FEM1C: variants seen among roughly 807,000 people sequenced by gnomAD.
FEM1C encodes fem-1 homolog C.
A neutral mutation model predicts 37.6 loss-of-function variants in FEM1C; 15 were observed. That is an observed-to-expected ratio of 0.40 (90% CI 0.27 to 0.61). The LOEUF (loss-of-function observed/expected upper bound fraction) is 0.61, where lower values mean the gene tolerates loss of function less well. Among genes scored for constraint, FEM1C ranks in the 20% least tolerant of loss-of-function variants. The probability of loss-of-function intolerance (pLI) is 0.42; values close to 1 mark genes in which losing one functional copy is unlikely to be tolerated. For missense variants in FEM1C, 532 were observed against 749.7 expected (o/e 0.71, Z 3.39); for synonymous variants, 287 against 272.8 (o/e 1.05, Z -0.51).
rs78212163 is a variant in FEM1C at position 115,538,930 on chromosome 5, G to T, written c.544+4020C>A. On this transcript the variant is annotated intron_variant, in intron 2 of 2. Transcript: ENST00000274457. The stretch of plus-strand genomic sequence containing the variant: ...TCTAAACCCCAAAATTCAAAGCCCT[G>T]TTTAACTTCTACTTTCTCCATGAAG... 1.1e-4 allele frequency among the ~76,000 whole-genome samples: 17 copies of T among 152,018 alleles called. No individual in the cohort carries two copies. The East Asian group carries it at 3.3e-3, about 29-fold the overall frequency.
At chr5:115,527,679 T>C (rs1753922905) in intron 2 of FEM1C, among the ~76,000 whole-genome samples, 1 of 152,050 alleles carries the variant, frequency 6.6e-6, no homozygotes, top group South Asian at 2.1e-4. Context: ...CTTTTCTCTA[T>C]TCAGAGTAGC....
chr5:115,530,444 T>G (rs543204417), intron 2 of FEM1C, among the ~76,000 whole-genome samples: 18 of 152,120 alleles, frequency 1.2e-4, no homozygotes, highest in South Asian at 4.1e-4. Context: ...CAAACATTAG[T>G]ACATCTAAAC....
chr5:115,522,100 A>G lies in FEM1C; in HGVS notation c.*2208T>C, dbSNP rs1204881845. 6.6e-6 allele frequency: 1 copy of G among 151,862 alleles called. No homozygotes were observed. The highest frequency in any genetic ancestry group is 2.1e-4 in the South Asian group (1 of 4,828). 9.4% of individuals were successfully genotyped at this position (151,862 alleles called of 1,614,324 possible). ...GCAAAACAGTGAGATGTGCCTCACT[A>G]TAAGAGCATGTAAGCCCTCCCACCC... On this transcript the variant is annotated 3_prime_UTR_variant, in exon 3 of 3. Coordinates refer to ENST00000274457, the MANE Select transcript of FEM1C (RefSeq NM_020177.3).
intron 2 of FEM1C, 96 bp from the exon 3 acceptor site, chr5:115,525,713 A>G: frequency 1.9e-6 from 2 of 1,026,160 alleles, no homozygotes; most frequent in South Asian, 3.7e-5. Flanking sequence ...GAAAAGCAGG[A>G]AGCTTTAAGT....
At position 115,524,946 on chromosome 5, in the gene FEM1C, C is replaced by G. The variant is rs1300810492; in HGVS notation, c.1216G>C (p.Val406Leu). 6.2e-7 allele frequency: 1 copy of G among 1,613,702 alleles called. No individual in the cohort carries two copies. Among genetic ancestry groups the G allele is most frequent in the Admixed American group, 1.7e-5 (1 of 59,912 alleles). ...DRAKGLLGTT[V>L]TFDDLMGILC... The stretch of plus-strand genomic sequence containing the variant: ...ATGCCCATAAGATCATCAAATGTAA[C>G]AGTAGTACCCAGCAGGCCTTTAGCC... The change falls in exon 3 of 3, where the codon GTT (valine) becomes CTT (leucine). Residue 406 changes from valine to leucine, a missense_variant. By Grantham distance (32) the Val-to-Leu change is conservative (BLOSUM62 1). This residue lies in a region of FEM1C where 237 missense variants were observed against 260.5 expected (regional missense o/e 0.91). Transcript: ENST00000274457.
intron 2 of FEM1C, among the ~76,000 whole-genome samples, chr5:115,526,007 A>G (rs1753882722): frequency 6.6e-6 from 1 of 151,870 alleles, no homozygotes; most frequent in African/African-American, 2.4e-5. Flanking sequence ...CAGTTTCCAC[A>G]TTTATAAACA....
At chr5:115,525,710 A>G in intron 2 of FEM1C, 93 bp from the exon 3 acceptor site, 1 of 1,063,996 alleles carries the variant, frequency 9.4e-7, no homozygotes, top group Non-Finnish European at 1.3e-6. Context: ...AAAGAAAAGC[A>G]GGAAGCTTTA....
intron 2 of FEM1C, among the ~76,000 whole-genome samples, chr5:115,536,741 T>G (rs1754136977): frequency 6.6e-6 from 1 of 152,016 alleles, no homozygotes; most frequent in African/African-American, 2.4e-5. Context: ...ACTTACTATG[T>G]GCCCTCCCTT....
Position 115,543,444 on chromosome 5 carries a change from C to G in FEM1C, c.50G>C (p.Arg17Pro). Residue 17 changes from arginine to proline, a missense_variant, in exon 2 of 3, where the codon CGG (arginine) becomes CCG (proline). By Grantham distance (103) the Arg-to-Pro change is moderately radical. Coordinates refer to ENST00000274457, the MANE Select transcript of FEM1C (RefSeq NM_020177.3). ...GCTTGCCAACAATTTGGTGAGAAGC[C>G]GGAGTTTGCCATCCCGAGCTGCGTT... Reference protein sequence around the residue: ...VFNAARDGKLRLLTKLLASKS... With the variant: ...VFNAARDGKLPLLTKLLASKS... 1 of 1,613,822 alleles carries G rather than the reference C, an allele frequency of 6.2e-7. No individual in the cohort carries two copies.
chr5:115,531,268 C>T (rs1320732873), intron 2 of FEM1C, among the ~76,000 whole-genome samples: 1 of 152,070 alleles, frequency 6.6e-6, no homozygotes, highest in African/African-American at 2.4e-5. Flanking sequence ...ACATCACTTT[C>T]CAACTCAAAA....
At chr5:115,538,209 T>C (rs1366128863) in intron 2 of FEM1C, among the ~76,000 whole-genome samples, 1 of 152,010 alleles carries the variant, frequency 6.6e-6, no homozygotes, top group African/African-American at 2.4e-5. Flanking sequence ...ATTTCCATAA[T>C]GAAAAGGCAA....
chr5:115,540,752 A>C (rs112985826), intron 2 of FEM1C, among the ~76,000 whole-genome samples: 110 of 152,110 alleles, frequency 7.2e-4, no homozygotes, highest in Non-Finnish European at 8.8e-4. Context: ...AAGTAATACC[A>C]GTTCTCATCT....
At chr5:115,531,876 G>C (rs1754022949) in intron 2 of FEM1C, among the ~76,000 whole-genome samples, 1 of 152,086 alleles carries the variant, frequency 6.6e-6, no homozygotes, top group African/African-American at 2.4e-5. Flanking sequence ...CTAACCCGGA[G>C]ACATGGTCTG....
Position 115,523,045 on chromosome 5 carries a change from C to G in FEM1C, c.*1263G>C, listed in dbSNP as rs1753808682. On this transcript the variant is annotated 3_prime_UTR_variant, in exon 3 of 3. Transcript: ENST00000274457. ...TAACTTCCAGTAAGGGAACAGGAAG[C>G]ACTGCAACCTTTCATGTTTAACTGG... 1 of 152,168 alleles carries G rather than the reference C, an allele frequency of 6.6e-6. No individual in the cohort carries two copies. The highest frequency in any genetic ancestry group is 6.6e-5 in the Admixed American group (1 of 15,228). 9.4% of individuals were successfully genotyped at this position (152,168 alleles called of 1,614,324 possible). A position where few individuals can be genotyped will look rare whatever the true frequency, so the allele number is the denominator to read the frequency against.
In FEM1C at chr5:115,524,193, G is replaced by C. The variant is rs1753833581; in HGVS notation, c.*115C>G. ...ATGCTTATAATGCTTTAGCCAATGA[G>C]AGCACAATGATATCAATCAAGCTAA... is the stretch of plus-strand genomic sequence containing the variant. On this transcript the variant is annotated 3_prime_UTR_variant, in exon 3 of 3. Transcript: ENST00000274457. 2.5e-6 allele frequency: 2 copies of C among 797,396 alleles called. No individual in the cohort carries two copies. The highest frequency in any genetic ancestry group is 4.1e-6 in the Non-Finnish European group (2 of 493,680). The allele number at this position is 797,396 out of a possible 1,614,324, so 49.4% of individuals were successfully genotyped here.
At chr5:115,537,963 C>T (rs1057241954) in intron 2 of FEM1C, among the ~76,000 whole-genome samples, 1 of 152,024 alleles carries the variant, frequency 6.6e-6, no homozygotes, top group Admixed American at 6.6e-5. Flanking sequence ...TGTGCATTTA[C>T]AGTGGGGAAT....
chr5:115,543,898 T>A, intron 1 of FEM1C: 1 of 984,588 alleles, frequency 1.0e-6, no homozygotes, highest in Non-Finnish European at 1.2e-6. Context: ...GGCAGTCTCC[T>A]CCATGTGCGG....
At chr5:115,526,108 G>T (rs1173545477) in intron 2 of FEM1C, among the ~76,000 whole-genome samples, 7 of 151,778 alleles carry the variant, frequency 4.6e-5, no homozygotes, top group Non-Finnish European at 8.8e-5. Flanking sequence ...CAATGCTCCT[G>T]CCTTAGTCTC....
At chr5:115,526,116 C>G (rs963447841) in intron 2 of FEM1C, among the ~76,000 whole-genome samples, 2 of 152,008 alleles carry the variant, frequency 1.3e-5, no homozygotes, top group African/African-American at 4.8e-5. Flanking sequence ...CTGCCTTAGT[C>G]TCCCAAAGTG....
Sources: gnomAD v4.1 joint callset for allele counts (sites outside exome capture counted in the v4.1 genomes callset) on GRCh38, gnomAD v4.1.1 for gene constraint, gnomAD v4.1.1 regional missense constraint, MANE v1.5 for transcripts, NCBI Gene and HGNC (gene_info 2026-07-23, HGNC 2026-07-21) for gene names.